SEMA3A: variants seen among roughly 807,000 people sequenced by gnomAD.
The protein encoded by SEMA3A is semaphorin-3A.
SEMA3A carries 29 observed loss-of-function variants against 97.9 expected under a neutral mutation model. The observed-to-expected ratio is 0.30, with a 90% confidence interval of 0.22 to 0.40. The LOEUF is 0.40. Among genes scored for constraint, SEMA3A ranks in the 10% least tolerant of loss-of-function variants. The pLI is 1.00. For synonymous variants in SEMA3A, 321 were observed against 323.7 expected, an observed-to-expected ratio of 0.99 and a Z score of 0.09; for missense variants, 763 against 951.3, an observed-to-expected ratio of 0.80 and a Z score of 2.60.
intron 1 of SEMA3A, among the ~76,000 whole-genome samples, chr7:84,395,157 G>A (rs2116188621): frequency 6.6e-6 from 1 of 152,040 alleles, no homozygotes; most frequent in Non-Finnish European, 1.5e-5. Flanking sequence ...TGTATGAGGA[G>A]GAAAAAATTA....
intron 4 of SEMA3A, among the ~76,000 whole-genome samples, chr7:84,097,490 G>T (rs1044761324): frequency 3.9e-5 from 6 of 152,112 alleles, no homozygotes; most frequent in Admixed American, 3.9e-4. Context: ...GGCATACAAT[G>T]AATCAGTGGC....
chr7:84,045,116 G>GTCTATA (rs1477257638), intron 6 of SEMA3A, among the ~76,000 whole-genome samples: 1 of 151,940 alleles, frequency 6.6e-6, no homozygotes, highest in African/African-American at 2.4e-5. Flanking sequence ...TTTCAATGAG[G>GTCTATA]TCTATAGGTA....
chr7:84,388,614 A>G (rs1282456075), intron 1 of SEMA3A, among the ~76,000 whole-genome samples: 3 of 152,078 alleles, frequency 2.0e-5, no homozygotes, highest in Admixed American at 2.0e-4. Context: ...ATGAATGTGG[A>G]ATACAAAGGA....
chr7:84,441,343 G>A (rs1248147581), intron 1 of SEMA3A, among the ~76,000 whole-genome samples: 4 of 151,420 alleles, frequency 2.6e-5, no homozygotes, highest in South Asian at 4.1e-4. Context: ...TCAATAAAGA[G>A]ATAGAAACTG....
Position 84,312,947 on chromosome 7 carries a change from CACACAT to C in SEMA3A, c.-168-5661_-168-5656del, listed in dbSNP as rs1199800580. ...ACACACACACACACACACACACGTACACACATATATGTTACATATTGTATATAATAT... is the reference window on the plus strand; with the variant it reads ...ACACACACACACACACACACACGTACATATGTTACATATTGTATATAATAT... On this transcript the variant is annotated intron_variant, in intron 2 of 3. Transcript: ENST00000424555. Among the ~76,000 whole-genome samples, 182 of 124,474 alleles carry C rather than the reference CACACAT, an allele frequency of 1.5e-3. 1 individual carries two copies. The highest frequency in any genetic ancestry group is 5.8e-3 in the African/African-American group (175 of 30,376). The allele number at this position is 124,474 out of a possible 152,430, so 81.7% of individuals were successfully genotyped here.
At chr7:84,401,298 C>A (rs1433961866) in intron 1 of SEMA3A, among the ~76,000 whole-genome samples, 10 of 151,606 alleles carry the variant, frequency 6.6e-5, no homozygotes, top group African/African-American at 2.4e-4. Flanking sequence ...TAAATTTAAC[C>A]AAAAAGTGAG....
rs1169015636 is a variant in SEMA3A, at chr7:83,955,905, C to T, written c.*5466G>A. On this transcript the variant is annotated 3_prime_UTR_variant, in exon 17 of 17. Transcript: ENST00000265362. Reference sequence around the variant, plus strand: ...ATGAACACATCTATAAAAACTTTTGCTTAGGTCCTATATAAATAAACATTG... The same window carrying T: ...ATGAACACATCTATAAAAACTTTTGTTTAGGTCCTATATAAATAAACATTG... 6.6e-6 allele frequency: 1 copy of T among 152,066 alleles called. No homozygotes were observed. The highest frequency in any genetic ancestry group is 1.5e-5 in the Non-Finnish European group (1 of 68,000). The allele number at this position is 152,066 out of a possible 1,614,324, so 9.4% of individuals were successfully genotyped here.
At position 84,046,551 on chromosome 7, in the gene SEMA3A, G is replaced by C; in HGVS notation, c.548-108C>G. On this transcript the variant is annotated intron_variant, in intron 5 of 16. Transcript: ENST00000265362. ...TTTCATGTTATGACCATGCTAAGAG[G>C]AAAACTGAAATGCTCTCTGCATCAT... The C allele has an allele frequency of 6.5e-6, 8 of 1,228,102 alleles. No homozygotes were observed. In the Admixed American group the frequency reaches 1.5e-4, roughly 23 times the overall value. The allele number at this position is 1,228,102 out of a possible 1,614,324, so 76.1% of individuals were successfully genotyped here.
intron 2 of SEMA3A, among the ~76,000 whole-genome samples, chr7:84,130,948 G>A (rs1795945270): frequency 6.6e-6 from 1 of 151,914 alleles, no homozygotes; most frequent in South Asian, 2.1e-4. Context: ...CCTAGCTCTC[G>A]TTGCTTAATT....
At chr7:84,254,977 TC>T (rs1240995098) in intron 3 of SEMA3A, among the ~76,000 whole-genome samples, 1 of 152,060 alleles carries the variant, frequency 6.6e-6, no homozygotes, top group Non-Finnish European at 1.5e-5. Flanking sequence ...AGAATGTGAG[TC>T]TTTTCAAGTT....
chr7:84,365,754 C>A (rs1425347233), intron 2 of SEMA3A, among the ~76,000 whole-genome samples: 1 of 151,194 alleles, frequency 6.6e-6, no homozygotes, highest in Non-Finnish European at 1.5e-5. Flanking sequence ...TTATGTTTAA[C>A]ATATTTCTAT....
At chr7:84,126,862 C>A (rs1795814970) in intron 3 of SEMA3A, among the ~76,000 whole-genome samples, 1 of 152,208 alleles carries the variant, frequency 6.6e-6, no homozygotes, top group South Asian at 2.1e-4. Flanking sequence ...AGTTAGCATA[C>A]TTGCTCAGTA....
intron 1 of SEMA3A, among the ~76,000 whole-genome samples, chr7:84,406,188 T>A (rs1172824036): frequency 6.6e-6 from 1 of 151,950 alleles, no homozygotes; most frequent in African/African-American, 2.4e-5. Context: ...AAGTATCAAA[T>A]AGATGCAATA....
At chr7:84,420,085 G>A (rs191220472) in intron 1 of SEMA3A, among the ~76,000 whole-genome samples, 97 of 152,000 alleles carry the variant, frequency 6.4e-4, no homozygotes, top group African/African-American at 2.3e-3. Context: ...TGGGGAAGAA[G>A]GAGAATCTTG....
chr7:83,978,412 T>A (rs1252853033), intron 14 of SEMA3A, among the ~76,000 whole-genome samples: 1 of 152,150 alleles, frequency 6.6e-6, no homozygotes, highest in Non-Finnish European at 1.5e-5. Flanking sequence ...TAGGCTGTAG[T>A]CACTGCGGTG....
intron 4 of SEMA3A, among the ~76,000 whole-genome samples, chr7:84,078,535 T>C (rs138137994): frequency 1.3e-5 from 2 of 152,152 alleles, no homozygotes; most frequent in African/African-American, 2.4e-5. Flanking sequence ...TTACTTCAAA[T>C]AGCAAAGTTT....
At chr7:84,042,773 A>G (rs113912848) in intron 6 of SEMA3A, among the ~76,000 whole-genome samples, 1 of 152,072 alleles carries the variant, frequency 6.6e-6, no homozygotes, top group Non-Finnish European at 1.5e-5. Flanking sequence ...ACTCCAAGAC[A>G]TAAACAATAT....
chr7:84,424,859 T>C (rs1328761788), intron 1 of SEMA3A, among the ~76,000 whole-genome samples: 2 of 77,788 alleles, frequency 2.6e-5, no homozygotes, highest in Non-Finnish European at 4.4e-5. Context: ...ATAAATAATT[T>C]ATATAAATAT....
intron 4 of SEMA3A, among the ~76,000 whole-genome samples, chr7:84,081,820 T>G (rs542540462): frequency 3.3e-5 from 5 of 151,966 alleles, no homozygotes; most frequent in Non-Finnish European, 7.4e-5. Context: ...ATCTCATATA[T>G]TTTAAGTAAC....
Sources: allele counts gnomAD v4.1 joint callset (sites outside exome capture counted in the v4.1 genomes callset), GRCh38; gene constraint gnomAD v4.1.1; transcripts MANE v1.5; gene names NCBI Gene and HGNC (gene_info 2026-07-23, HGNC 2026-07-21).